JAM3: variants seen among roughly 807,000 people sequenced by gnomAD.
JAM3 encodes the protein junctional adhesion molecule C.
A neutral mutation model predicts 39.4 loss-of-function variants in JAM3; 31 were observed. The ratio of observed to expected loss-of-function variants is 0.79; its 90% CI spans 0.59 to 1.06. The LOEUF (loss-of-function observed/expected upper bound fraction) is 1.06. JAM3 is among the 50% of genes least tolerant of loss of function. The pLI is 0.00. For missense variants in JAM3, 455 were observed against 391.4 expected (o/e 1.16, Z -1.37); for synonymous variants, 182 against 148.7 (o/e 1.22, Z -1.63).
In JAM3 at chr11:134,149,758, A is replaced by C. The variant is rs931498105; in HGVS notation, c.*577A>C. On this transcript the variant is annotated 3_prime_UTR_variant, in exon 9 of 9. Transcript: ENST00000299106. The stretch of plus-strand genomic sequence containing the variant: ...TTTTGGATCAGCATTTTGTAAAAAC[A>C]ACCAAAATCAGGAAGGTAAATTGGT... 67 of 436,424 alleles carry C rather than the reference A, an allele frequency of 1.5e-4. No homozygotes were observed. Among genetic ancestry groups the C allele is most frequent in the East Asian group, 1.1e-3 (15 of 13,872 alleles). The allele number at this position is 436,424 out of a possible 1,614,324, so 27.0% of individuals were successfully genotyped here.
chr11:134,128,319 C>G (rs989534785), intron 1 of JAM3, among the ~76,000 whole-genome samples: 1 of 152,218 alleles, frequency 6.6e-6, no homozygotes, highest in African/African-American at 2.4e-5. Flanking sequence ...ACTCACCTCT[C>G]TCTGAGCTGG....
intron 1 of JAM3, among the ~76,000 whole-genome samples, chr11:134,115,218 GTTAAC>G (rs1167904598): frequency 6.6e-6 from 1 of 152,058 alleles, no homozygotes; most frequent in Non-Finnish European, 1.5e-5. Flanking sequence ...TTTGGCTAGT[GTTAAC>G]TTAGTATATC....
At chr11:134,129,177 T>A (rs956239563) in intron 1 of JAM3, among the ~76,000 whole-genome samples, 1 of 151,162 alleles carries the variant, frequency 6.6e-6, no homozygotes, top group Non-Finnish European at 1.5e-5. Context: ...TGGAGTGCAG[T>A]GGCGTGATCT....
In JAM3 at chr11:134,144,777, C is replaced by G; in HGVS notation, c.410-15C>G. On this transcript the variant is annotated splice_polypyrimidine_tract_variant and intron_variant, in intron 4 of 8. Coordinates refer to ENST00000299106, the MANE Select transcript of JAM3 (RefSeq NM_032801.5). Reference sequence around the variant, plus strand: ...TGTCACTGAGATCTTAAACACCACCCCTTTTTCCCCACAGTGAAGCCAGTG... The same window carrying G: ...TGTCACTGAGATCTTAAACACCACCGCTTTTTCCCCACAGTGAAGCCAGTG... 8 of 1,484,490 alleles carry G rather than the reference C, an allele frequency of 5.4e-6. No individual in the cohort carries two copies. Among genetic ancestry groups the G allele is most frequent in the Admixed American group, 1.7e-5 (1 of 57,704 alleles). 92.0% of individuals were successfully genotyped at this position (1,484,490 alleles called of 1,614,324 possible).
chr11:134,151,088 A>T lies in JAM3; in HGVS notation c.*1907A>T, dbSNP rs185658193. ...AGGACTGAAGTGCTGTAAAGCAAGG[A>T]GCTGCTGAGAAGGAGCACTCCACTG... On this transcript the variant is annotated 3_prime_UTR_variant, in exon 9 of 9. Transcript: ENST00000299106. 192 of 152,380 alleles carry T rather than the reference A, an allele frequency of 1.3e-3. 2 individuals are homozygous for T. The highest frequency in any genetic ancestry group is 4.4e-3 in the African/African-American group (183 of 41,586). The allele number at this position is 152,380 out of a possible 1,614,324, so 9.4% of individuals were successfully genotyped here.
At chr11:134,110,157 T>G (rs988946771) in intron 1 of JAM3, among the ~76,000 whole-genome samples, 1 of 152,172 alleles carries the variant, frequency 6.6e-6, no homozygotes, top group Non-Finnish European at 1.5e-5. Flanking sequence ...ACTAAAAAGA[T>G]TGACTATACC....
chr11:134,147,667 T>C (rs1057158793), intron 6 of JAM3: 1 of 151,556 alleles, frequency 6.6e-6, no homozygotes, highest in Non-Finnish European at 1.5e-5. Flanking sequence ...TTTGTGTTTC[T>C]AGTAGAGACG....
chr11:134,127,571 A>G (rs957146804), intron 1 of JAM3, among the ~76,000 whole-genome samples: 9 of 152,158 alleles, frequency 5.9e-5, no homozygotes, highest in African/African-American at 2.2e-4. Context: ...GTGGTGGCAC[A>G]TGTCTGTAGT....
At chr11:134,088,258 T>C (rs946039285) in intron 1 of JAM3, among the ~76,000 whole-genome samples, 3 of 152,162 alleles carry the variant, frequency 2.0e-5, no homozygotes, top group Non-Finnish European at 2.9e-5. Flanking sequence ...AAACAAAAAT[T>C]GACAAATTCT....
intron 1 of JAM3, among the ~76,000 whole-genome samples, chr11:134,137,294 A>C (rs7947580): frequency 0.016 from 2,427 of 152,316 alleles, 61 homozygotes; most frequent in African/African-American, 0.053. Context: ...CACGAAAATT[A>C]AACACCATTT....
intron 1 of JAM3, among the ~76,000 whole-genome samples, chr11:134,093,708 C>G (rs1001673174): frequency 3.4e-5 from 4 of 118,460 alleles, no homozygotes; most frequent in Non-Finnish European, 7.1e-5. Context: ...TTACATGTCA[C>G]TTCCTGAGGG....
At chr11:134,069,528 CGGGG>C (rs1335456709) in intron 1 of JAM3, among the ~76,000 whole-genome samples, 53 of 151,610 alleles carry the variant, frequency 3.5e-4, no homozygotes, top group African/African-American at 1.2e-3. Context: ...TCCTCCCAGG[CGGGG>C]TCCTGTGCTG....
intron 1 of JAM3, among the ~76,000 whole-genome samples, chr11:134,106,052 G>A (rs578215731): frequency 6.6e-6 from 1 of 152,296 alleles, no homozygotes; most frequent in Non-Finnish European, 1.5e-5. Context: ...TCAATAATAA[G>A]CCAAAAGAAC....
In JAM3 at chr11:134,101,921, G is replaced by A. The variant is rs894772571; in HGVS notation, c.76+32762G>A. Among the ~76,000 whole-genome samples the A allele has an allele frequency of 4.6e-5, 7 of 152,230 alleles. No individual in the cohort carries two copies. The East Asian group carries it at 1.4e-3, about 29-fold the overall frequency. ...ATTTTTACAAAAAATTTAAAAATTAGGTGTGGGGTACACATCTGTATTCCC... is the reference window on the plus strand; with the variant it reads ...ATTTTTACAAAAAATTTAAAAATTAAGTGTGGGGTACACATCTGTATTCCC... On this transcript the variant is annotated intron_variant, in intron 1 of 8. Transcript: ENST00000299106.
intron 1 of JAM3, among the ~76,000 whole-genome samples, chr11:134,094,901 C>T (rs1941949740): frequency 1.3e-5 from 2 of 152,190 alleles, no homozygotes; most frequent in Admixed American, 6.5e-5. Flanking sequence ...TAATGTTCGA[C>T]ATTTGTTGAA....
intron 1 of JAM3, among the ~76,000 whole-genome samples, chr11:134,099,295 G>A (rs1942034512): frequency 1.3e-5 from 2 of 152,162 alleles, no homozygotes; most frequent in Admixed American, 1.3e-4. Flanking sequence ...TGGGCAAGCA[G>A]CTCTTGGCCT....
At chr11:134,073,032 C>T (rs1186053553) in intron 1 of JAM3, among the ~76,000 whole-genome samples, 1 of 152,230 alleles carries the variant, frequency 6.6e-6, no homozygotes, top group African/African-American at 2.4e-5. Context: ...AATAGCTTCA[C>T]TGGAGTGTAA....
intron 1 of JAM3, among the ~76,000 whole-genome samples, chr11:134,106,100 A>G (rs1942180032): frequency 6.6e-6 from 1 of 152,134 alleles, no homozygotes; most frequent in Non-Finnish European, 1.5e-5. Flanking sequence ...TTCAAACTAT[A>G]CTACAAGGCT....
intron 1 of JAM3, among the ~76,000 whole-genome samples, chr11:134,131,825 C>T (rs1329244127): frequency 1.3e-5 from 2 of 152,090 alleles, no homozygotes; most frequent in East Asian, 3.8e-4. Context: ...AGGGTTTCAA[C>T]AGCAGATTGA....
Sources: gnomAD v4.1 joint callset for allele counts (sites outside exome capture counted in the v4.1 genomes callset) on GRCh38, gnomAD v4.1.1 for gene constraint, MANE v1.5 for transcripts, NCBI Gene and HGNC (gene_info 2026-07-23, HGNC 2026-07-21) for gene names.